The following SYNRG variants were observed in gnomAD, a reference collection of about 807,000 sequenced individuals.
SYNRG encodes the protein AP1 gamma subunit binding protein 1.
SYNRG carries 37 observed loss-of-function variants against 130.9 expected under a neutral mutation model. That is an observed-to-expected ratio of 0.28 (90% CI 0.22 to 0.37). The LOEUF is 0.37. Among genes scored for constraint, SYNRG ranks in the 10% least tolerant of loss-of-function variants. The probability of loss-of-function intolerance (pLI) is 1.00; values close to 1 mark genes in which losing one functional copy is unlikely to be tolerated. For synonymous variants in SYNRG, 539 were observed against 568.1 expected, an observed-to-expected ratio of 0.95 and a Z score of 0.73; for missense variants, 1,338 against 1,588.9, an observed-to-expected ratio of 0.84 and a Z score of 2.68.
chr17:37,564,077 G>A (rs1259524240), intron 11 of SYNRG, among the ~76,000 whole-genome samples: 1 of 151,616 alleles, frequency 6.6e-6, no homozygotes, highest in African/African-American at 2.4e-5. Context: ...TCAAACTCCT[G>A]ACCTCAGATG....
chr17:37,604,942 T>G (rs1412289513), intron 1 of SYNRG, among the ~76,000 whole-genome samples: 1 of 152,218 alleles, frequency 6.6e-6, no homozygotes, highest in Non-Finnish European at 1.5e-5. Flanking sequence ...TGCTGTCTTA[T>G]ACGAGCTGGG....
intron 19 of SYNRG, chr17:37,529,859 A>G: frequency 6.4e-7 from 1 of 1,551,392 alleles, no homozygotes; most frequent in South Asian, 1.2e-5. Flanking sequence ...GCACTAGGAG[A>G]GAAGAGATGG....
chr17:37,540,719 C>T, intron 15 of SYNRG, 176 bp from the exon 16 acceptor site: 1 of 787,384 alleles, frequency 1.3e-6, no homozygotes, highest in Admixed American at 3.5e-5. Context: ...AGTGCAACCT[C>T]CGCCTCCTGG....
intron 2 of SYNRG, among the ~76,000 whole-genome samples, chr17:37,598,869 T>A (rs1323210271): frequency 1.3e-5 from 2 of 152,248 alleles, no homozygotes; most frequent in African/African-American, 4.8e-5. Context: ...GACACATAAC[T>A]CTGTAATACC....
chr17:37,530,184 G>A (rs751419746), intron 19 of SYNRG, among the ~76,000 whole-genome samples: 1 of 152,104 alleles, frequency 6.6e-6, no homozygotes, highest in Non-Finnish European at 1.5e-5. Flanking sequence ...TCTGAAGGAG[G>A]CCACAAGGAA....
chr17:37,584,571 T>A (rs1233582882), intron 6 of SYNRG, 77 bp downstream of exon 6: 6 of 1,152,128 alleles, frequency 5.2e-6, no homozygotes. Context: ...CACACACATA[T>A]AATGGCGAGG....
chr17:37,527,491 A>T (rs1598086260), intron 19 of SYNRG, among the ~76,000 whole-genome samples: 1 of 152,352 alleles, frequency 6.6e-6, no homozygotes, highest in East Asian at 1.9e-4. Flanking sequence ...AAAGAGAAAG[A>T]GAGCATAAAG....
intron 11 of SYNRG, among the ~76,000 whole-genome samples, chr17:37,563,493 C>T (rs1275704390): frequency 1.3e-5 from 2 of 152,136 alleles, no homozygotes; most frequent in African/African-American, 2.4e-5. Flanking sequence ...AACTAACCAA[C>T]CCCAAAGTCC....
intron 6 of SYNRG, among the ~76,000 whole-genome samples, chr17:37,581,475 A>G (rs533453693): frequency 1.3e-5 from 2 of 151,672 alleles, no homozygotes; most frequent in Non-Finnish European, 2.9e-5. Context: ...ATGGGGTTTC[A>G]CCATGTTGGC....
chr17:37,572,431 A>C (rs1365976332), intron 8 of SYNRG, among the ~76,000 whole-genome samples: 1 of 146,624 alleles, frequency 6.8e-6, no homozygotes, highest in Non-Finnish European at 1.5e-5. Context: ...ACTCCGTTTC[A>C]AAAAAAAAAA....
intron 19 of SYNRG, among the ~76,000 whole-genome samples, chr17:37,527,792 G>C (rs1051509960): frequency 6.6e-6 from 1 of 152,088 alleles, no homozygotes. Flanking sequence ...TCCAGAAATG[G>C]GGGATGTCCT....
At chr17:37,535,863 A>G (rs907565830) in intron 19 of SYNRG, 116 bp downstream of exon 19, 2 of 1,375,288 alleles carry the variant, frequency 1.5e-6, no homozygotes, top group Non-Finnish European at 1.0e-6. Flanking sequence ...TTAATATAAC[A>G]TGCTCCAGTT....
chr17:37,584,795 T>C (rs1598519862), intron 5 of SYNRG, 36 bp from the exon 6 acceptor site: 1 of 1,506,400 alleles, frequency 6.6e-7, no homozygotes, highest in Non-Finnish European at 9.2e-7. Flanking sequence ...TTTCTTTACT[T>C]ATCCCTCACT....
In SYNRG at chr17:37,556,546, G is replaced by GAA. The variant is rs11330451; in HGVS notation, c.1664-2489_1664-2488dup. On this transcript the variant is annotated intron_variant, in intron 13 of 21. Coordinates refer to ENST00000612223, the MANE Select transcript of SYNRG (RefSeq NM_007247.6). ...AGATATGTACTTGGATATAGCAGAT[G>GAA]AAAAAAAAAAAGCACCAAAAACAAT... is the stretch of plus-strand genomic sequence containing the variant. 6.9e-5 allele frequency among the ~76,000 whole-genome samples: 10 copies of GAA among 145,816 alleles called. No homozygotes were observed. In the East Asian group the frequency reaches 2.0e-3, roughly 29 times the overall value.
chr17:37,605,442 A>C (rs894302314), intron 1 of SYNRG, among the ~76,000 whole-genome samples: 2 of 152,190 alleles, frequency 1.3e-5, no homozygotes, highest in Admixed American at 1.3e-4. Flanking sequence ...CCTCTGTCAA[A>C]TGAGGACGTA....
At chr17:37,584,440 C>G in intron 6 of SYNRG, 1 of 434,560 alleles carries the variant, frequency 2.3e-6, no homozygotes. Context: ...AATTAGAAGA[C>G]AAAGAGGTTT....
chr17:37,528,197 C>T (rs2056184932), intron 19 of SYNRG, among the ~76,000 whole-genome samples: 1 of 152,202 alleles, frequency 6.6e-6, no homozygotes, highest in Non-Finnish European at 1.5e-5. Flanking sequence ...AGAATATAAT[C>T]TAGCTTCTAG....
chr17:37,579,899 TC>T (rs1033341312), intron 6 of SYNRG, among the ~76,000 whole-genome samples: 4 of 152,106 alleles, frequency 2.6e-5, no homozygotes, highest in African/African-American at 9.7e-5. Context: ...TTTTTTTTTT[TC>T]ATAGAGATGG....
chr17:37,586,660 G>A, intron 3 of SYNRG, 111 bp from the exon 4 acceptor site: 3 of 1,219,980 alleles, frequency 2.5e-6, no homozygotes, highest in East Asian at 2.6e-5. Context: ...GTAAAAAATA[G>A]AAATATATTG....
Sources: allele counts gnomAD v4.1 joint callset (sites outside exome capture counted in the v4.1 genomes callset), GRCh38; gene constraint gnomAD v4.1.1; transcripts MANE v1.5; gene names NCBI Gene and HGNC (gene_info 2026-07-23, HGNC 2026-07-21).